AOPEP: variants seen among roughly 807,000 people sequenced by gnomAD.
AOPEP encodes aminopeptidase O.
AOPEP carries 77 observed loss-of-function variants against 98.1 expected under a neutral mutation model. The observed-to-expected ratio is 0.78, with a 90% confidence interval of 0.65 to 0.95. The LOEUF is 0.95. Among genes scored for constraint, AOPEP ranks in the 40% least tolerant of loss-of-function variants. The probability of loss-of-function intolerance (pLI) is 0.00; values close to 1 mark genes in which losing one functional copy is unlikely to be tolerated. For synonymous variants in AOPEP, 346 were observed against 365.3 expected, an observed-to-expected ratio of 0.95 and a Z score of 0.60; for missense variants, 1,024 against 1,024.7, an observed-to-expected ratio of 1.00 and a Z score of 0.01.
In AOPEP at chr9:94,743,196, AGAAGAG is replaced by A. The variant is rs1259403786; in HGVS notation, c.-135-16447_-135-16442del. ...AAGAAGAAGAAGAAGAAGAAGAAGA[AGAAGAG>A]GAAGAAGAGGAAGAAGAGGAAGAAG... On this transcript the variant is annotated intron_variant, in intron 1 of 16. Transcript: ENST00000375315. Among the ~76,000 whole-genome samples the A allele has an allele frequency of 2.2e-4, 23 of 106,386 alleles. 1 individual carries two copies. The East Asian group carries it at 3.9e-3, about 18-fold the overall frequency. The allele number at this position is 106,386 out of a possible 152,430, so 69.8% of individuals were successfully genotyped here. A position where few individuals can be genotyped will look rare whatever the true frequency, so the allele number is the denominator to read the frequency against.
intron 13 of AOPEP, among the ~76,000 whole-genome samples, chr9:95,018,588 T>C (rs1165296532): frequency 6.6e-6 from 1 of 152,260 alleles, no homozygotes; most frequent in Non-Finnish European, 1.5e-5. Flanking sequence ...TCTGTCCTTG[T>C]AGCATTGTTA....
Position 94,933,346 on chromosome 9 carries a change from G to A in AOPEP, c.1661+4815G>A, listed in dbSNP as rs993169424. On this transcript the variant is annotated intron_variant, in intron 7 of 16. Transcript: ENST00000375315. Reference sequence around the variant, plus strand: ...CAGGGATGGAAGAGCTAAGGTGGCAGGGTCAGAAGAAATCTGTTGTTTTTT... The same window carrying A: ...CAGGGATGGAAGAGCTAAGGTGGCAAGGTCAGAAGAAATCTGTTGTTTTTT... The A allele has an allele frequency of 1.2e-5, 12 of 985,460 alleles. No homozygotes were observed. In the African/African-American group the frequency reaches 2.1e-4, roughly 17 times the overall value. 61.0% of individuals were successfully genotyped at this position (985,460 alleles called of 1,614,324 possible).
intron 11 of AOPEP, among the ~76,000 whole-genome samples, chr9:94,993,206 G>A (rs1229396345): frequency 6.6e-6 from 1 of 152,114 alleles, no homozygotes; most frequent in Admixed American, 6.6e-5. Flanking sequence ...GTAACTGCAG[G>A]TCAGTTTTAC....
chr9:94,899,053 C>T (rs1200413838), intron 5 of AOPEP, among the ~76,000 whole-genome samples: 6 of 152,044 alleles, frequency 3.9e-5, no homozygotes, highest in Non-Finnish European at 7.4e-5. Context: ...ATGCATTTGT[C>T]CTTATTACCT....
At chr9:95,009,454 C>G (rs1384579975) in intron 13 of AOPEP, among the ~76,000 whole-genome samples, 1 of 152,088 alleles carries the variant, frequency 6.6e-6, no homozygotes, top group Non-Finnish European at 1.5e-5. Flanking sequence ...AAAGGAAGCA[C>G]CCTTCCTAGT....
intron 9 of AOPEP, among the ~76,000 whole-genome samples, chr9:94,964,246 G>A (rs1292987837): frequency 1.3e-5 from 2 of 152,202 alleles, no homozygotes; most frequent in Admixed American, 1.3e-4. Flanking sequence ...TTGCCTGCAG[G>A]CCTGAGCTCT....
At chr9:94,866,230 T>G (rs2135519633) in intron 5 of AOPEP, among the ~76,000 whole-genome samples, 1 of 152,342 alleles carries the variant, frequency 6.6e-6, no homozygotes, top group Non-Finnish European at 1.5e-5. Context: ...TCAGTGTATT[T>G]CTGAAGAATC....
At chr9:95,093,481 C>T in the AOPEP span, among the ~76,000 whole-genome samples, 3 of 152,160 alleles carry the variant, frequency 2.0e-5, no homozygotes, top group Admixed American at 1.3e-4. Flanking sequence ...TTCAGGGCAG[C>T]GTTTAACGGC....
chr9:94,863,722 T>C (rs2045378392), intron 5 of AOPEP, among the ~76,000 whole-genome samples: 1 of 152,216 alleles, frequency 6.6e-6, no homozygotes, highest in Non-Finnish European at 1.5e-5. Context: ...GGCCATAGCA[T>C]ATGATTTTCA....
chr9:95,111,337 A>G, the AOPEP span: 427 of 1,598,032 alleles, frequency 2.7e-4, 1 homozygote, highest in African/African-American at 5.1e-3. Flanking sequence ...TTGCCATGAC[A>G]TATGCCATCT....
At position 94,949,474 on chromosome 9, in the gene AOPEP, C is replaced by T. The variant is rs2057941429; in HGVS notation, c.1662-5703C>T. Among the ~76,000 whole-genome samples, 4 of 152,192 alleles carry T rather than the reference C, an allele frequency of 2.6e-5. No homozygotes were observed. In the South Asian group the frequency reaches 8.3e-4, roughly 32 times the overall value. On this transcript the variant is annotated intron_variant, in intron 7 of 16. Transcript: ENST00000375315. ...AACCTTGTTTATTTTCCCGTGGCTC[C>T]TCAGAGGGATCCTCCTTCTGTCTTA... is the stretch of plus-strand genomic sequence containing the variant.
At chr9:95,086,324 G>C in intron 16 of AOPEP, 2 of 985,466 alleles carry the variant, frequency 2.0e-6, no homozygotes, top group South Asian at 4.7e-5. Context: ...AGTGCCAGCA[G>C]GGGGCCGTTT....
intron 14 of AOPEP, among the ~76,000 whole-genome samples, chr9:95,063,585 G>A (rs928841379): frequency 1.1e-4 from 17 of 152,220 alleles, no homozygotes; most frequent in African/African-American, 4.8e-5. Context: ...TGGTGGCCAC[G>A]AATCCGAAAG....
chr9:95,106,763 G>A, the AOPEP span, among the ~76,000 whole-genome samples: 14 of 152,348 alleles, frequency 9.2e-5, no homozygotes, highest in East Asian at 2.3e-3. Context: ...ACACTGCGAT[G>A]GAAAGAAATG....
intron 14 of AOPEP, among the ~76,000 whole-genome samples, chr9:95,063,672 G>A (rs1181484670): frequency 1.3e-5 from 2 of 152,232 alleles, no homozygotes; most frequent in Non-Finnish European, 2.9e-5. Flanking sequence ...GGAGAATTTG[G>A]TAGCACCCGT....
At chr9:95,077,187 T>G (rs1156374032) in intron 14 of AOPEP, among the ~76,000 whole-genome samples, 1 of 152,188 alleles carries the variant, frequency 6.6e-6, no homozygotes, top group Non-Finnish European at 1.5e-5. Flanking sequence ...GGTTATGTGT[T>G]TCTCCTGCCA....
intron 4 of AOPEP, among the ~76,000 whole-genome samples, chr9:94,793,927 T>C (rs1440835637): frequency 6.6e-6 from 1 of 152,218 alleles, no homozygotes; most frequent in Non-Finnish European, 1.5e-5. Flanking sequence ...TTACTTTCTA[T>C]GCTACTCTGC....
rs953082199 is a variant in AOPEP, at chr9:94,955,181, A to G, written c.1666A>G (p.Ser556Gly). 1 of 1,606,888 alleles carries G rather than the reference A, an allele frequency of 6.2e-7. No homozygotes were observed. The highest frequency in any genetic ancestry group is 8.5e-7 in the Non-Finnish European group (1 of 1,175,038). ...SPEEMQVLRPSKDKTGHTSDS... is the reference protein window; with the variant it reads ...SPEEMQVLRPGKDKTGHTSDS... ...ATTGTTACTAAATCGTTTTAGACCCAGTAAAGACAAAACTGGCCACACAAG... is the reference window on the plus strand; with the variant it reads ...ATTGTTACTAAATCGTTTTAGACCCGGTAAAGACAAAACTGGCCACACAAG... Residue 556 changes from serine (S) to glycine (G), a missense_variant, in exon 8 of 17, where the codon AGT becomes GGT. Around this residue, in one of 3 missense-constraint regions of AOPEP, gnomAD observed 566 missense variants for 551.7 expected, o/e 1.03. Coordinates refer to ENST00000375315, the MANE Select transcript of AOPEP (RefSeq NM_001193329.3).
At chr9:94,754,288 G>T (rs1836499408) in intron 1 of AOPEP, among the ~76,000 whole-genome samples, 1 of 152,188 alleles carries the variant, frequency 6.6e-6, no homozygotes, top group Non-Finnish European at 1.5e-5. Flanking sequence ...TACACTGACT[G>T]TTATTAAGAG....
Sources: gnomAD v4.1 joint callset for allele counts (sites outside exome capture counted in the v4.1 genomes callset) on GRCh38, gnomAD v4.1.1 for gene constraint, gnomAD v4.1.1 regional missense constraint, MANE v1.5 for transcripts, NCBI Gene and HGNC (gene_info 2026-07-23, HGNC 2026-07-21) for gene names.